CERT1: variants seen among roughly 807,000 people sequenced by gnomAD.
CERT1 encodes the protein ceramide transporter 1.
Under a neutral mutation model 87.9 loss-of-function variants are expected in CERT1, and 31 were observed. The observed-to-expected ratio is 0.35, with a 90% CI of 0.27 to 0.48. CERT1 has a LOEUF of 0.48. Among genes scored for constraint, CERT1 ranks in the 20% least tolerant of loss-of-function variants. CERT1 has a pLI of 0.99. For missense variants in CERT1, 487 were observed against 758.0 expected (o/e 0.64, Z 4.20); for synonymous variants, 289 against 250.9 (o/e 1.15, Z -1.44).
intron 12 of CERT1, among the ~76,000 whole-genome samples, chr5:75,387,647 C>A (rs1045452331): frequency 1.3e-5 from 2 of 150,732 alleles, no homozygotes; most frequent in Non-Finnish European, 3.0e-5. Flanking sequence ...GAGGCTGAGG[C>A]AGGAGAATCA....
intron 3 of CERT1, among the ~76,000 whole-genome samples, chr5:75,453,466 C>T (rs1471795173): frequency 6.6e-6 from 1 of 152,106 alleles, no homozygotes; most frequent in Non-Finnish European, 1.5e-5. Context: ...TTTATGTCAA[C>T]AAAACATAAT....
intron 8 of CERT1, 142 bp from the exon 9 acceptor site, chr5:75,403,200 A>G: frequency 1.6e-6 from 1 of 620,292 alleles, no homozygotes; most frequent in Admixed American, 2.8e-5. Context: ...AGTATACTAG[A>G]TCATATGCAT....
chr5:75,382,852 T>A (rs1421409650), intron 14 of CERT1, among the ~76,000 whole-genome samples: 4 of 151,966 alleles, frequency 2.6e-5, no homozygotes, highest in Non-Finnish European at 5.9e-5. Flanking sequence ...ATAAATATAG[T>A]GTTGGGTAAA....
At chr5:75,472,572 C>G (rs1484610349) in intron 2 of CERT1, among the ~76,000 whole-genome samples, 1 of 151,960 alleles carries the variant, frequency 6.6e-6, no homozygotes, top group Non-Finnish European at 1.5e-5. Flanking sequence ...AACTCAATAA[C>G]AAGAAAATAA....
intron 2 of CERT1, among the ~76,000 whole-genome samples, chr5:75,476,286 C>A (rs190978619): frequency 1.2e-4 from 19 of 152,016 alleles, no homozygotes; most frequent in Non-Finnish European, 2.2e-4. Context: ...TAACTGTATC[C>A]CAACTCTGTT....
At chr5:75,396,741 A>C (rs1401784111) in intron 11 of CERT1, among the ~76,000 whole-genome samples, 3 of 151,918 alleles carry the variant, frequency 2.0e-5, no homozygotes, top group Admixed American at 6.6e-5. Flanking sequence ...AAAAAAAAAA[A>C]AAAACAAAAA....
intron 2 of CERT1, among the ~76,000 whole-genome samples, chr5:75,479,605 C>A (rs1766131829): frequency 6.6e-6 from 1 of 152,182 alleles, no homozygotes; most frequent in Non-Finnish European, 1.5e-5. Flanking sequence ...CACGTTCCTG[C>A]AAAAGACGTG....
At chr5:75,484,962 T>A (rs1048150269) in intron 2 of CERT1, among the ~76,000 whole-genome samples, 7 of 152,242 alleles carry the variant, frequency 4.6e-5, no homozygotes, top group African/African-American at 1.7e-4. Context: ...AGACCATATG[T>A]TAGGCCACAA....
At chr5:75,459,594 G>A (rs1765141481) in intron 2 of CERT1, among the ~76,000 whole-genome samples, 1 of 152,170 alleles carries the variant, frequency 6.6e-6, no homozygotes, top group Non-Finnish European at 1.5e-5. Flanking sequence ...CCTGGGTTCA[G>A]GTGATCCTCA....
chr5:75,482,396 C>T (rs1766288708), intron 2 of CERT1, among the ~76,000 whole-genome samples: 1 of 152,168 alleles, frequency 6.6e-6, no homozygotes, highest in South Asian at 2.1e-4. Flanking sequence ...AAATAGAGCA[C>T]CAAGTAGACA....
chr5:75,429,727 A>G (rs1166576853), intron 3 of CERT1, among the ~76,000 whole-genome samples: 1 of 152,018 alleles, frequency 6.6e-6, no homozygotes, highest in Non-Finnish European at 1.5e-5. Flanking sequence ...GCCGTCCTCT[A>G]TATTACCTTG....
At chr5:75,415,223 C>T (rs1763090823) in intron 7 of CERT1, among the ~76,000 whole-genome samples, 1 of 152,006 alleles carries the variant, frequency 6.6e-6, no homozygotes, top group South Asian at 2.1e-4. Context: ...AACTGGGATC[C>T]AGTTATTTCA....
rs1158225705 is a variant in CERT1, at chr5:75,511,429, C to A, written c.-222G>T. On this transcript the variant is annotated 5_prime_UTR_variant, in exon 1 of 17. Coordinates refer to ENST00000643780, the MANE Select transcript of CERT1 (RefSeq NM_001379029.1). ...AGGACGAGCGGTGAAGGAAGCCTAC[C>A]CTTCCAGCCGTCAGCCGCCGCCGCC... The A allele has an allele frequency of 1.3e-6, 2 of 1,541,400 alleles. No homozygotes were observed. Among genetic ancestry groups the A allele is most frequent in the Non-Finnish European group, 8.7e-7 (1 of 1,143,264 alleles).
chr5:75,399,876 C>T (rs1762399515), intron 10 of CERT1, among the ~76,000 whole-genome samples: 1 of 152,162 alleles, frequency 6.6e-6, no homozygotes, highest in South Asian at 2.1e-4. Context: ...TGGTGGCTCA[C>T]GCCTGTAATC....
At chr5:75,414,236 T>C (rs1172751911) in intron 7 of CERT1, among the ~76,000 whole-genome samples, 4 of 152,126 alleles carry the variant, frequency 2.6e-5, no homozygotes, top group Non-Finnish European at 4.4e-5. Flanking sequence ...TGATCACCTC[T>C]TGGGGTGGTG....
downstream of CERT1, chr5:75,376,403 T>C (rs923526588): frequency 6.6e-6 from 1 of 151,318 alleles, no homozygotes; most frequent in Non-Finnish European, 1.5e-5. Flanking sequence ...AAGGCAGATA[T>C]AGTTAGAGTG....
chr5:75,458,230 C>G (rs1765081897), intron 3 of CERT1, among the ~76,000 whole-genome samples: 1 of 151,988 alleles, frequency 6.6e-6, no homozygotes, highest in Non-Finnish European at 1.5e-5. Flanking sequence ...TAACAGAAGT[C>G]AAAGACTAGC....
chr5:75,449,377 T>C (rs1210861287), intron 3 of CERT1, among the ~76,000 whole-genome samples: 1 of 152,224 alleles, frequency 6.6e-6, no homozygotes, highest in Non-Finnish European at 1.5e-5. Flanking sequence ...ATAAAAGCAC[T>C]TGAGTTAAGT....
chr5:75,435,026 G>T (rs533373478), intron 3 of CERT1, among the ~76,000 whole-genome samples: 1 of 152,130 alleles, frequency 6.6e-6, no homozygotes, highest in East Asian at 1.9e-4. Context: ...TGGCTTTGGG[G>T]TTGGTCTTGT....
Sources: gnomAD v4.1 joint callset for allele counts (sites outside exome capture counted in the v4.1 genomes callset) on GRCh38, gnomAD v4.1.1 for gene constraint, MANE v1.5 for transcripts, NCBI Gene and HGNC (gene_info 2026-07-23, HGNC 2026-07-21) for gene names.